Variants in RBFOX3 observed in about 807,000 individuals in gnomAD.
RBFOX3 encodes RNA binding fox-1 homolog 3, also known as RNA binding protein fox-1 homolog 3.
A neutral mutation model predicts 48.7 loss-of-function variants in RBFOX3; 17 were observed. The ratio of observed to expected loss-of-function variants is 0.35; its 90% CI spans 0.24 to 0.52. The LOEUF is 0.52. RBFOX3 is among the 20% of genes least tolerant of loss of function. The pLI is 0.94. For missense variants in RBFOX3, 382 were observed against 497.5 expected, an observed-to-expected ratio of 0.77 and a Z score of 2.21; for synonymous variants, 212 against 209.5, an observed-to-expected ratio of 1.01 and a Z score of -0.10.
At chr17:79,100,087 T>C (rs929822078) in intron 9 of RBFOX3, 2 of 152,246 alleles carry the variant, frequency 1.3e-5, no homozygotes, top group Admixed American at 1.3e-4. Flanking sequence ...TCCCTGATGT[T>C]TCACTGGTGT....
At chr17:79,537,650 A>G (rs1050040140) in intron 1 of RBFOX3, among the ~76,000 whole-genome samples, 5 of 152,098 alleles carry the variant, frequency 3.3e-5, no homozygotes, top group Non-Finnish European at 7.4e-5. Flanking sequence ...AAACGGACAA[A>G]TCTACTTCCT....
chr17:79,364,712 T>C lies in RBFOX3; in HGVS notation c.-174-56888A>G, dbSNP rs562376674. On this transcript the variant is annotated intron_variant, in intron 2 of 14. Transcript: ENST00000693108. The surrounding 1 kb of genome is among the most constrained non-coding windows in gnomAD (Gnocchi z 5.1). ...CGCTCTCCACTGATGGGGGACACCA[T>C]ATGGGGCTGGGGACCTAGAGGAACA... 1.3e-5 allele frequency among the ~76,000 whole-genome samples: 2 copies of C among 152,174 alleles called. No homozygotes were observed. The highest frequency in any genetic ancestry group is 3.4e-3 in the Middle Eastern group (1 of 294).
At chr17:79,539,142 A>G (rs1429937419) in intron 1 of RBFOX3, among the ~76,000 whole-genome samples, 1 of 152,210 alleles carries the variant, frequency 6.6e-6, no homozygotes, top group African/African-American at 2.4e-5. Context: ...GCTTGAGCTC[A>G]GGAGTCCGAG....
intron 2 of RBFOX3, among the ~76,000 whole-genome samples, chr17:79,384,136 G>A (rs1480001508): frequency 6.6e-6 from 1 of 152,244 alleles, no homozygotes. Context: ...CTGTGGCCAG[G>A]TCAGGCAGGT....
intron 1 of RBFOX3, among the ~76,000 whole-genome samples, chr17:79,521,544 T>TCA (rs1219575512): frequency 8.6e-5 from 13 of 150,848 alleles, no homozygotes; most frequent in Admixed American, 8.6e-4. Context: ...AGACACACAT[T>TCA]CACACACACA....
intron 2 of RBFOX3, among the ~76,000 whole-genome samples, chr17:79,461,880 G>A (rs2075415095): frequency 6.6e-6 from 1 of 152,198 alleles, no homozygotes; most frequent in Non-Finnish European, 1.5e-5. Flanking sequence ...CGCCATGGGT[G>A]GCCAGCAACC....
chr17:79,219,905 C>T (rs549624502), intron 4 of RBFOX3, among the ~76,000 whole-genome samples: 1 of 152,102 alleles, frequency 6.6e-6, no homozygotes, highest in South Asian at 2.1e-4. Flanking sequence ...CCGGGTATTA[C>T]TGGAGGCTGG....
the RBFOX3 span, among the ~76,000 whole-genome samples, chr17:79,641,187 TAG>T: frequency 6.6e-6 from 1 of 152,180 alleles, no homozygotes; most frequent in Non-Finnish European, 1.5e-5. Flanking sequence ...AAATGGCCAA[TAG>T]GTATATGAAA....
rs895392865 is a variant in RBFOX3 at position 79,564,493 on chromosome 17, G to T, written c.-320+46333C>A. ...TAGGAGCCGAACCTTCCTGGAGGAC[G>T]CCTTAGCAGAACGGTGCTGGAGCCT... On this transcript the variant is annotated intron_variant, in intron 1 of 14. Coordinates refer to ENST00000693108, the MANE Select transcript of RBFOX3 (RefSeq NM_001350451.2). 2.2e-4 allele frequency among the ~76,000 whole-genome samples: 34 copies of T among 152,248 alleles called. No individual in the cohort carries two copies. In the East Asian group the frequency reaches 5.8e-3, roughly 26 times the overall value.
chr17:79,547,461 A>G (rs568885943), intron 1 of RBFOX3, among the ~76,000 whole-genome samples: 10 of 151,696 alleles, frequency 6.6e-5, no homozygotes, highest in African/African-American at 2.4e-4. Flanking sequence ...TCTCGAAACA[A>G]AAACAAAAAC....
intron 1 of RBFOX3, among the ~76,000 whole-genome samples, chr17:79,539,372 T>A (rs1599085614): frequency 6.6e-6 from 1 of 152,256 alleles, no homozygotes; most frequent in South Asian, 2.1e-4. Flanking sequence ...ATAAAAATAA[T>A]AACTGATGTT....
chr17:79,406,996 G>T (rs915516817), intron 2 of RBFOX3, among the ~76,000 whole-genome samples: 5 of 152,146 alleles, frequency 3.3e-5, no homozygotes, highest in African/African-American at 1.2e-4. Flanking sequence ...ACCAACGTCC[G>T]TGCATGCTTG....
chr17:79,320,531 G>A (rs552493400), intron 2 of RBFOX3, among the ~76,000 whole-genome samples: 6 of 152,300 alleles, frequency 3.9e-5, no homozygotes, highest in East Asian at 3.9e-4. Context: ...AGGGAAATCC[G>A]TATACCTGCC....
chr17:79,568,951 T>C (rs972250772), intron 1 of RBFOX3, among the ~76,000 whole-genome samples: 28 of 151,932 alleles, frequency 1.8e-4, no homozygotes, highest in Non-Finnish European at 3.1e-4. Context: ...GGGGGCTACC[T>C]CCCCACTAGA....
intron 1 of RBFOX3, among the ~76,000 whole-genome samples, chr17:79,523,133 G>A (rs1444955017): frequency 1.3e-5 from 2 of 151,734 alleles, no homozygotes; most frequent in African/African-American, 4.8e-5. Context: ...GCTTGTGGTG[G>A]GGGGGCGGGT....
At chr17:79,175,469 C>T (rs990614067) in intron 4 of RBFOX3, among the ~76,000 whole-genome samples, 2 of 152,246 alleles carry the variant, frequency 1.3e-5, no homozygotes, top group Admixed American at 6.5e-5. Context: ...TGGGATCTCC[C>T]GGTGTGGGCA....
At chr17:79,424,633 G>A (rs1204713745) in intron 2 of RBFOX3, among the ~76,000 whole-genome samples, 12 of 151,870 alleles carry the variant, frequency 7.9e-5, no homozygotes, top group Admixed American at 2.0e-4. Flanking sequence ...CCAAGGGCTC[G>A]GTCCAGCCCT....
the RBFOX3 span, among the ~76,000 whole-genome samples, chr17:79,665,393 C>T: frequency 1.3e-5 from 2 of 151,538 alleles, no homozygotes; most frequent in Non-Finnish European, 2.9e-5. Context: ...TGGAGAGGAG[C>T]GGAGCAGAGA....
chr17:79,665,138 C>T, the RBFOX3 span, among the ~76,000 whole-genome samples: 1 of 152,204 alleles, frequency 6.6e-6, no homozygotes, highest in Non-Finnish European at 1.5e-5. Context: ...GCAAGCCCCA[C>T]ACCCGCCCAC....
Sources: allele counts gnomAD v4.1 joint callset (sites outside exome capture counted in the v4.1 genomes callset), GRCh38; gene constraint gnomAD v4.1.1; non-coding constraint Gnocchi (gnomAD v3.1); transcripts MANE v1.5; gene names NCBI Gene and HGNC (gene_info 2026-07-23, HGNC 2026-07-21).